SPAG16: variants seen among roughly 807,000 people sequenced by gnomAD.
The protein encoded by SPAG16 is sperm-associated antigen 16 protein.
In SPAG16, 86 loss-of-function variants were observed where a neutral mutation model predicts 80.4. The ratio of observed to expected loss-of-function variants is 1.07; its 90% CI spans 0.90 to 1.28. The LOEUF (loss-of-function observed/expected upper bound fraction) is 1.28. Among genes scored for constraint, SPAG16 ranks in the 50% most tolerant of loss-of-function variants. The probability of loss-of-function intolerance (pLI) is 0.00; values close to 1 mark genes in which losing one functional copy is unlikely to be tolerated. For synonymous variants in SPAG16, 294 were observed against 265.9 expected (o/e 1.11, Z -1.03); for missense variants, 870 against 765.3 (o/e 1.14, Z -1.61).
chr2:213,710,999 C>T lies in SPAG16; in HGVS notation c.1071-151486C>T, dbSNP rs191888560. On this transcript the variant is annotated intron_variant, in intron 10 of 15. Coordinates refer to ENST00000331683, the MANE Select transcript of SPAG16 (RefSeq NM_024532.5). ...ATTGTAATAATATAGGAATAAACAACGAAAACCTATAGCAATTACCATAAA... is the reference window on the plus strand; with the variant it reads ...ATTGTAATAATATAGGAATAAACAATGAAAACCTATAGCAATTACCATAAA... 2.2e-3 allele frequency among the ~76,000 whole-genome samples: 332 copies of T among 152,028 alleles called. 1 individual carries two copies. Among genetic ancestry groups the T allele is most frequent in the South Asian group, 0.02 (97 of 4,822 alleles).
intron 9 of SPAG16, among the ~76,000 whole-genome samples, chr2:213,458,889 A>T (rs2072195577): frequency 6.6e-6 from 1 of 152,034 alleles, no homozygotes; most frequent in Non-Finnish European, 1.5e-5. Flanking sequence ...ATACATAAAT[A>T]TGTTTTTCTT....
chr2:213,691,886 A>G (rs1386007320), intron 10 of SPAG16, among the ~76,000 whole-genome samples: 1 of 152,214 alleles, frequency 6.6e-6, no homozygotes, highest in Non-Finnish European at 1.5e-5. Context: ...AATTTCAATA[A>G]ATATTTGTAA....
intron 13 of SPAG16, among the ~76,000 whole-genome samples, chr2:214,059,591 A>T (rs2050149914): frequency 1.3e-5 from 2 of 151,820 alleles, no homozygotes; most frequent in Admixed American, 6.6e-5. Flanking sequence ...ATCATTATAG[A>T]TTTTCTGACT....
At chr2:213,675,422 G>T (rs1424693335) in intron 10 of SPAG16, among the ~76,000 whole-genome samples, 1 of 152,134 alleles carries the variant, frequency 6.6e-6, no homozygotes, top group South Asian at 2.1e-4. Flanking sequence ...GGCTTTTGTT[G>T]CCGTTGCTTT....
rs12473856 is a variant in SPAG16 at position 214,314,921 on chromosome 2, T to C, written c.1721-95219T>C. 4.0e-3 allele frequency among the ~76,000 whole-genome samples: 605 copies of C among 151,156 alleles called. 21 individuals are homozygous for C. The highest frequency in any genetic ancestry group is 0.035 in the Admixed American group (534 of 15,178). ...AAAGTAGCTACTGCATTCAGCCTGA[T>C]GGGTAGTGGAGAAGGTTAAACCAAT... On this transcript the variant is annotated intron_variant, in intron 15 of 15. Transcript: ENST00000331683.
intron 10 of SPAG16, among the ~76,000 whole-genome samples, chr2:213,588,845 A>AAAAAAAATG (rs1553576832): frequency 7.8e-6 from 1 of 128,450 alleles, no homozygotes; most frequent in Non-Finnish European, 1.6e-5. Context: ...AAAAAAAAAG[A>AAAAAAAATG]CTCCCTATCC....
intron 15 of SPAG16, among the ~76,000 whole-genome samples, chr2:214,179,536 A>G (rs2057242776): frequency 6.6e-6 from 1 of 151,430 alleles, no homozygotes; most frequent in South Asian, 2.1e-4. Context: ...TCTCTACAAA[A>G]TGGTCTCTCC....
At chr2:214,367,151 G>A (rs949757527) in intron 15 of SPAG16, among the ~76,000 whole-genome samples, 91 of 152,054 alleles carry the variant, frequency 6.0e-4, no homozygotes, top group African/African-American at 2.1e-3. Context: ...AATTGAATTT[G>A]TAATATCTTA....
chr2:213,707,455 AAT>A (rs1475308706), intron 10 of SPAG16, among the ~76,000 whole-genome samples: 2 of 152,152 alleles, frequency 1.3e-5, no homozygotes, highest in Non-Finnish European at 2.9e-5. Flanking sequence ...TTGACTTCCA[AAT>A]CATGGATTAG....
chr2:213,994,112 G>A (rs1326956650), intron 12 of SPAG16, among the ~76,000 whole-genome samples: 3 of 152,134 alleles, frequency 2.0e-5, no homozygotes, highest in Non-Finnish European at 4.4e-5. Context: ...GGAAGTATGT[G>A]TGTGATTTTT....
intron 15 of SPAG16, among the ~76,000 whole-genome samples, chr2:214,328,932 G>A (rs1033899260): frequency 2.0e-5 from 3 of 152,076 alleles, no homozygotes; most frequent in African/African-American, 7.2e-5. Flanking sequence ...AAAGCTTGGA[G>A]TGACTGTTCA....
At chr2:214,316,436 A>G (rs1349306447) in intron 15 of SPAG16, among the ~76,000 whole-genome samples, 1 of 152,174 alleles carries the variant, frequency 6.6e-6, no homozygotes, top group Non-Finnish European at 1.5e-5. Flanking sequence ...ATTTAGGGAC[A>G]GAGCCCCTTG....
intron 15 of SPAG16, among the ~76,000 whole-genome samples, chr2:214,390,455 C>T (rs1358349814): frequency 6.6e-6 from 1 of 151,584 alleles, no homozygotes; most frequent in African/African-American, 2.4e-5. Context: ...GATGGCCAAA[C>T]AATTGACTAT....
At chr2:214,138,580 T>C (rs2055183641) in intron 14 of SPAG16, among the ~76,000 whole-genome samples, 1 of 152,130 alleles carries the variant, frequency 6.6e-6, no homozygotes, top group Non-Finnish European at 1.5e-5. Flanking sequence ...AAACCTAGAC[T>C]TCAGACTGAG....
chr2:213,991,794 C>A (rs971258299), intron 12 of SPAG16, among the ~76,000 whole-genome samples: 1 of 152,082 alleles, frequency 6.6e-6, no homozygotes, highest in African/African-American at 2.4e-5. Flanking sequence ...GAAGAAATGG[C>A]AAAGTCAGTG....
chr2:213,387,431 C>CTTTTTTTT (rs71060428), intron 9 of SPAG16, among the ~76,000 whole-genome samples: 1,643 of 47,694 alleles, frequency 0.034, 341 homozygotes, highest in East Asian at 0.075. Context: ...AATGCATGCT[C>CTTTTTTTT]TTTTTTTTTT....
chr2:213,426,015 G>A (rs548567251), intron 9 of SPAG16, among the ~76,000 whole-genome samples: 12 of 152,034 alleles, frequency 7.9e-5, no homozygotes, highest in Non-Finnish European at 1.6e-4. Flanking sequence ...CAATAGGATA[G>A]GTGAAAAATA....
chr2:213,443,688 A>G (rs1251003287), intron 9 of SPAG16, among the ~76,000 whole-genome samples: 1 of 152,196 alleles, frequency 6.6e-6, no homozygotes. Flanking sequence ...TTGCTGGGTC[A>G]TATGGTTTGT....
chr2:214,276,586 T>A (rs558312502), intron 15 of SPAG16, among the ~76,000 whole-genome samples: 1 of 152,330 alleles, frequency 6.6e-6, no homozygotes, highest in East Asian at 1.9e-4. Flanking sequence ...AATTCTGGGT[T>A]GAAAATTCTT....
Sources: gnomAD v4.1 joint callset for allele counts (sites outside exome capture counted in the v4.1 genomes callset) on GRCh38, gnomAD v4.1.1 for gene constraint, MANE v1.5 for transcripts, NCBI Gene and HGNC (gene_info 2026-07-23, HGNC 2026-07-21) for gene names.